MMS22L: variants seen among roughly 807,000 people sequenced by gnomAD.
The protein encoded by MMS22L is protein MMS22-like.
In MMS22L, 74 loss-of-function variants were observed where a neutral mutation model predicts 159.1. That is an observed-to-expected ratio of 0.47 (90% CI 0.39 to 0.56). MMS22L has a LOEUF of 0.56. Ranked by LOEUF, MMS22L falls within the 20% of genes least tolerant of loss-of-function variation. The probability of loss-of-function intolerance (pLI) is 0.00; values close to 1 mark genes in which losing one functional copy is unlikely to be tolerated. For synonymous variants in MMS22L, 517 were observed against 506.9 expected (o/e 1.02, Z -0.27); for missense variants, 1,351 against 1,422.1 (o/e 0.95, Z 0.80).
intron 11 of MMS22L, among the ~76,000 whole-genome samples, chr6:97,243,580 A>T (rs934859822): frequency 1.2e-4 from 19 of 152,092 alleles, no homozygotes; most frequent in Admixed American, 7.2e-4. Context: ...CTCTTTTTCT[A>T]GTAATTCAGA....
chr6:97,187,091 A>G (rs1313730117), intron 14 of MMS22L, among the ~76,000 whole-genome samples: 3 of 151,142 alleles, frequency 2.0e-5, no homozygotes, highest in Non-Finnish European at 2.9e-5. Context: ...GAAGGTAAGT[A>G]CAACTGGCTT....
intron 3 of MMS22L, among the ~76,000 whole-genome samples, chr6:97,280,428 G>T (rs910059748): frequency 1.3e-5 from 2 of 152,098 alleles, no homozygotes; most frequent in Admixed American, 6.5e-5. Context: ...CGCCTCCTGG[G>T]TTCAAGCAGT....
At chr6:97,187,586 T>C (rs948716058) in intron 14 of MMS22L, among the ~76,000 whole-genome samples, 4 of 152,302 alleles carry the variant, frequency 2.6e-5, no homozygotes, top group Admixed American at 1.3e-4. Context: ...CATTTTTTTT[T>C]CAATTATACA....
intron 14 of MMS22L, among the ~76,000 whole-genome samples, chr6:97,200,534 T>C (rs1161411619): frequency 6.6e-6 from 1 of 152,096 alleles, no homozygotes; most frequent in African/African-American, 2.4e-5. Flanking sequence ...GCTTGATACA[T>C]GCTATTTGTA....
chr6:97,217,712 C>T (rs1040184304), intron 14 of MMS22L, among the ~76,000 whole-genome samples: 1 of 152,080 alleles, frequency 6.6e-6, no homozygotes, highest in Non-Finnish European at 1.5e-5. Flanking sequence ...GGGTGAGGAA[C>T]GTTTGTGAAA....
intron 9 of MMS22L, among the ~76,000 whole-genome samples, chr6:97,255,970 T>C (rs1251716292): frequency 2.0e-5 from 3 of 152,130 alleles, no homozygotes; most frequent in African/African-American, 7.2e-5. Context: ...ATTTTGAACC[T>C]TGATATATTC....
chr6:97,281,156 C>T, intron 3 of MMS22L, 81 bp downstream of exon 3: 1 of 1,319,354 alleles, frequency 7.6e-7, no homozygotes, highest in Non-Finnish European at 1.0e-6. Flanking sequence ...TTTGTAATAT[C>T]AGTATTAGAA....
intron 4 of MMS22L, among the ~76,000 whole-genome samples, chr6:97,273,266 A>G (rs185056047): frequency 7.7e-4 from 118 of 152,314 alleles, no homozygotes; most frequent in African/African-American, 2.7e-3. Flanking sequence ...CCAATCTAAT[A>G]GACAGTGCCT....
intron 22 of MMS22L, 101 bp from the exon 23 acceptor site, chr6:97,151,968 TAAAG>T: frequency 5.8e-6 from 5 of 855,732 alleles, no homozygotes; most frequent in Non-Finnish European, 9.4e-6. Flanking sequence ...GTTGTTTTCT[TAAAG>T]TATGTACATC....
Position 97,279,327 on chromosome 6 carries a change from C to T in MMS22L, c.291-429G>A, listed in dbSNP as rs144654905. Among the ~76,000 whole-genome samples, 8 of 151,570 alleles carry T rather than the reference C, an allele frequency of 5.3e-5. No individual in the cohort carries two copies. In the East Asian group the frequency reaches 5.9e-4, roughly 11 times the overall value. On this transcript the variant is annotated intron_variant, in intron 3 of 24. Coordinates refer to ENST00000683635, the MANE Select transcript of MMS22L (RefSeq NM_001350599.2). The stretch of plus-strand genomic sequence containing the variant: ...TGAAACCCCGTCTCTACTAAAAATA[C>T]GAAAAAATTAGCCCGGCATGGTGGC...
At chr6:97,221,650 T>C (rs545290601) in intron 14 of MMS22L, among the ~76,000 whole-genome samples, 3 of 152,182 alleles carry the variant, frequency 2.0e-5, no homozygotes, top group Admixed American at 1.3e-4. Context: ...CCCTTAGAGA[T>C]ACCCATGCTT....
At position 97,254,573 on chromosome 6, in the gene MMS22L, C is replaced by A; in HGVS notation, c.1103G>T (p.Gly368Val). ...VASFYKFDRHGVPDEMRKVES... is the reference protein window; with the variant it reads ...VASFYKFDRHVVPDEMRKVES... ...AAGTCTTACCATTTCATCTGGTACTCCATGGCGATCAAACTTGTAAAATGA... is the reference window on the plus strand; with the variant it reads ...AAGTCTTACCATTTCATCTGGTACTACATGGCGATCAAACTTGTAAAATGA... The change falls in exon 10 of 25, where the codon GGA (glycine) becomes GTA (valine). Residue 368 changes from glycine (G) to valine (V), a missense_variant. Coordinates refer to ENST00000683635, the MANE Select transcript of MMS22L (RefSeq NM_001350599.2). 6.2e-7 allele frequency: 1 copy of A among 1,613,172 alleles called. No homozygotes were observed. Among genetic ancestry groups the A allele is most frequent in the South Asian group, 1.1e-5 (1 of 90,918 alleles).
In MMS22L at chr6:97,229,189, C is replaced by T. The variant is rs760110177; in HGVS notation, c.1744G>A (p.Ala582Thr). 1.9e-6 allele frequency: 3 copies of T among 1,614,090 alleles called. No homozygotes were observed. Among genetic ancestry groups the T allele is most frequent in the Admixed American group, 1.7e-5 (1 of 60,010 alleles). ...ACACCAATGTCCAGATTTTTCTGGG[C>T]ATACATCAAGAGGAAGGCCATGTGA... Reference protein sequence around the residue: ...KGHMAFLLMYAQKNLDIGVLA... With the variant: ...KGHMAFLLMYTQKNLDIGVLA... Residue 582 changes from alanine to threonine, a missense_variant, in exon 14 of 25, where the codon GCC (alanine) becomes ACC (threonine). Physicochemically the swap from Ala to Thr is moderately conservative, Grantham distance 58. Transcript: ENST00000683635.
At chr6:97,263,258 T>C (rs1030382546) in intron 9 of MMS22L, 77 bp downstream of exon 9, 2 of 887,340 alleles carry the variant, frequency 2.3e-6, no homozygotes, top group African/African-American at 3.5e-5. Flanking sequence ...AGTTAAGATT[T>C]TTCTCAGTTA....
chr6:97,167,290 T>G (rs118043110), intron 20 of MMS22L, among the ~76,000 whole-genome samples: 5 of 152,254 alleles, frequency 3.3e-5, no homozygotes, highest in Non-Finnish European at 7.4e-5. Flanking sequence ...TAGGAAGCAT[T>G]TCACTTCTTT....
chr6:97,215,116 T>TATATATATATA (rs1410024960), intron 14 of MMS22L, among the ~76,000 whole-genome samples: 9 of 132,048 alleles, frequency 6.8e-5, no homozygotes, highest in African/African-American at 2.6e-4. Context: ...ATATATATAT[T>TATATATATATA]TTTTTTTTGC....
intron 14 of MMS22L, among the ~76,000 whole-genome samples, chr6:97,186,917 C>A (rs186623973): frequency 2.0e-5 from 3 of 152,232 alleles, no homozygotes; most frequent in Admixed American, 2.0e-4. Flanking sequence ...TAATTATATG[C>A]TTTTTAATAT....
rs200134288 is a variant in MMS22L, at chr6:97,215,115, T to TATA, written c.2039+13778_2039+13779insTAT. Reference sequence around the variant, plus strand: ...AAATATATATATATATATATATATATTTTTTTTTTGCATTGTTTCACTAGC... The same window carrying TATA: ...AAATATATATATATATATATATATATATATTTTTTTTTGCATTGTTTCACTAGC... On this transcript the variant is annotated intron_variant, in intron 14 of 24. Transcript: ENST00000683635. Among the ~76,000 whole-genome samples the TATA allele has an allele frequency of 6.6e-3, 352 of 53,500 alleles. 1 individual carries two copies. Among genetic ancestry groups the TATA allele is most frequent in the African/African-American group, 0.016 (319 of 19,364 alleles). The allele number at this position is 53,500 out of a possible 152,430, so 35.1% of individuals were successfully genotyped here. A position where few individuals can be genotyped will look rare whatever the true frequency, so the allele number is the denominator to read the frequency against.
chr6:97,191,166 GAC>G (rs1234416234), intron 14 of MMS22L, among the ~76,000 whole-genome samples: 1 of 152,050 alleles, frequency 6.6e-6, no homozygotes, highest in African/African-American at 2.4e-5. Context: ...TATCCCCACA[GAC>G]ACACAAATTT....
Sources: gnomAD v4.1 joint callset for allele counts (sites outside exome capture counted in the v4.1 genomes callset) on GRCh38, gnomAD v4.1.1 for gene constraint, MANE v1.5 for transcripts, NCBI Gene and HGNC (gene_info 2026-07-23, HGNC 2026-07-21) for gene names.